The following ARB2A variants were observed in gnomAD, a reference collection of about 807,000 sequenced individuals.
ARB2A encodes the protein cotranscriptional regulator ARB2A.
the ARB2A span, among the ~76,000 whole-genome samples, chr5:93,707,839 T>C: frequency 2.7e-3 from 409 of 152,284 alleles, 1 homozygote; most frequent in Non-Finnish European, 2.1e-3. Context: ...CCTCCCAAAG[T>C]GCTGGGATTA....
the ARB2A span, among the ~76,000 whole-genome samples, chr5:94,034,988 G>A: frequency 3.0e-4 from 46 of 152,196 alleles, no homozygotes; most frequent in African/African-American, 1.1e-3. Flanking sequence ...GATGATCTAA[G>A]GTGAAACAGT....
At chr5:94,004,367 G>A in the ARB2A span, among the ~76,000 whole-genome samples, 1 of 151,842 alleles carries the variant, frequency 6.6e-6, no homozygotes, top group African/African-American at 2.4e-5. Context: ...GGATCACAAG[G>A]TCAGGAGATC....
chr5:93,672,411 G>C, the ARB2A span, among the ~76,000 whole-genome samples: 2 of 151,934 alleles, frequency 1.3e-5, no homozygotes, highest in African/African-American at 4.8e-5. Context: ...CCTGGTTCAA[G>C]CGATTCTCCT....
chr5:93,655,128 T>C, the ARB2A span, among the ~76,000 whole-genome samples: 1 of 152,216 alleles, frequency 6.6e-6, no homozygotes, highest in East Asian at 1.9e-4. Context: ...CCACTGTTCT[T>C]GAGGACTCTA....
chr5:94,044,793 A>G, the ARB2A span, among the ~76,000 whole-genome samples: 8 of 152,086 alleles, frequency 5.3e-5, no homozygotes, highest in Non-Finnish European at 1.2e-4. Flanking sequence ...GATGGCCATG[A>G]GAGTGACCTC....
chr5:94,013,952 TCA>T, the ARB2A span, among the ~76,000 whole-genome samples: 2 of 152,138 alleles, frequency 1.3e-5, no homozygotes, highest in South Asian at 2.1e-4. Flanking sequence ...TCCCTCCAAT[TCA>T]CAGTTTCCAC....
chr5:94,073,808 A>C, the ARB2A span, among the ~76,000 whole-genome samples: 1 of 151,932 alleles, frequency 6.6e-6, no homozygotes, highest in African/African-American at 2.4e-5. Context: ...CTCTCTTTCC[A>C]TTCTCTGCTG....
chr5:93,639,021 AC>A, the ARB2A span, among the ~76,000 whole-genome samples: 3 of 152,248 alleles, frequency 2.0e-5, no homozygotes, highest in African/African-American at 7.2e-5. Context: ...ATTTAAGAAA[AC>A]TTTAAACTAT....
the ARB2A span, among the ~76,000 whole-genome samples, chr5:93,823,122 G>A: frequency 6.6e-6 from 1 of 152,090 alleles, no homozygotes; most frequent in Non-Finnish European, 1.5e-5. Context: ...ATGATCAACT[G>A]CACTTTTATC....
chr5:93,976,187 A>G, the ARB2A span, among the ~76,000 whole-genome samples: 1 of 152,162 alleles, frequency 6.6e-6, no homozygotes, highest in Admixed American at 6.5e-5. Context: ...ATCTCAACAG[A>G]CACAGAAAAA....
the ARB2A span, among the ~76,000 whole-genome samples, chr5:93,847,803 T>G: frequency 1.3e-5 from 2 of 152,182 alleles, no homozygotes; most frequent in Non-Finnish European, 2.9e-5. Flanking sequence ...CAGGCTAAAA[T>G]AGCTAATTAG....
the ARB2A span, among the ~76,000 whole-genome samples, chr5:93,892,351 T>C: frequency 6.6e-6 from 1 of 152,156 alleles, no homozygotes; most frequent in Admixed American, 6.5e-5. Flanking sequence ...AGAAGCCCTA[T>C]ATGAGATGCA....
chr5:94,058,878 T>C, the ARB2A span, among the ~76,000 whole-genome samples: 2 of 152,090 alleles, frequency 1.3e-5, no homozygotes, highest in Non-Finnish European at 2.9e-5. Context: ...GCAGAACTCA[T>C]GGAAATAATT....
At chr5:94,048,675 A>G in the ARB2A span, among the ~76,000 whole-genome samples, 1 of 152,194 alleles carries the variant, frequency 6.6e-6, no homozygotes, top group African/African-American at 2.4e-5. Context: ...ACAGGATTGT[A>G]TCACAGCTGA....
At chr5:94,028,022 C>T in the ARB2A span, among the ~76,000 whole-genome samples, 1 of 152,202 alleles carries the variant, frequency 6.6e-6, no homozygotes, top group Non-Finnish European at 1.5e-5. Flanking sequence ...AACACCCACA[C>T]ATGTGGTCAA....
the ARB2A span, among the ~76,000 whole-genome samples, chr5:93,887,656 C>A: frequency 6.6e-6 from 1 of 151,752 alleles, no homozygotes; most frequent in Non-Finnish European, 1.5e-5. Flanking sequence ...TTAAGCCATA[C>A]AACAGATAAA....
chr5:93,827,743 G>T, the ARB2A span, among the ~76,000 whole-genome samples: 1 of 151,662 alleles, frequency 6.6e-6, no homozygotes, highest in Non-Finnish European at 1.5e-5. Context: ...TAACGTTTAA[G>T]TCTTTAATCC....
chr5:94,037,735 T>C, the ARB2A span, among the ~76,000 whole-genome samples: 1 of 152,024 alleles, frequency 6.6e-6, no homozygotes, highest in Non-Finnish European at 1.5e-5. Flanking sequence ...GTATCAATTA[T>C]ACACAGAAAA....
the ARB2A span, among the ~76,000 whole-genome samples, chr5:93,798,709 G>A: frequency 6.6e-6 from 1 of 152,116 alleles, no homozygotes; most frequent in South Asian, 2.1e-4. Flanking sequence ...CACCTCTAGT[G>A]TGACATGGGA....
Sources: gnomAD v4.1 joint callset for allele counts (sites outside exome capture counted in the v4.1 genomes callset) on GRCh38, gnomAD v4.1.1 for gene constraint, MANE v1.5 for transcripts, NCBI Gene and HGNC (gene_info 2026-07-23, HGNC 2026-07-21) for gene names.